ADCK1: variants seen among roughly 807,000 people sequenced by gnomAD.
ADCK1 encodes the protein aarF domain-containing protein kinase 1.
ADCK1 carries 41 observed loss-of-function variants against 52.3 expected under a neutral mutation model. The observed-to-expected ratio is 0.78, with a 90% CI of 0.61 to 1.02. The LOEUF (loss-of-function observed/expected upper bound fraction) is 1.02, where lower values mean the gene tolerates loss of function less well. Ranked by LOEUF, ADCK1 falls within the 50% of genes least tolerant of loss-of-function variation. The pLI, the probability that ADCK1 is intolerant of heterozygous loss-of-function variation, is 0.00. For missense variants in ADCK1, 658 were observed against 679.5 expected (o/e 0.97, Z 0.35); for synonymous variants, 250 against 274.6 (o/e 0.91, Z 0.89).
chr14:77,856,582 G>GC (rs397724094), intron 3 of ADCK1, among the ~76,000 whole-genome samples: 1 of 151,638 alleles, frequency 6.6e-6, no homozygotes, highest in Admixed American at 6.6e-5. Context: ...TTTAGATATG[G>GC]TAAAGGATTG....
intron 4 of ADCK1, among the ~76,000 whole-genome samples, chr14:77,876,938 G>A (rs1391393883): frequency 6.6e-6 from 1 of 152,226 alleles, no homozygotes; most frequent in African/African-American, 2.4e-5. Flanking sequence ...TTTGGGGCTG[G>A]GTGCAGTGGC....
intron 7 of ADCK1, among the ~76,000 whole-genome samples, chr14:77,916,270 A>G (rs1328414658): frequency 1.3e-5 from 2 of 151,920 alleles, no homozygotes; most frequent in Admixed American, 1.3e-4. Flanking sequence ...ACTTTAATGA[A>G]TGTCTCTGGC....
At chr14:77,836,569 A>C (rs560570106) in intron 3 of ADCK1, among the ~76,000 whole-genome samples, 20 of 152,160 alleles carry the variant, frequency 1.3e-4, no homozygotes, top group Non-Finnish European at 2.2e-4. Flanking sequence ...GGGTGGTTTA[A>C]GGCAATAGAA....
intron 9 of ADCK1, among the ~76,000 whole-genome samples, chr14:77,930,532 C>G (rs3783953): frequency 0.73 from 110,264 of 151,962 alleles, 41,007 homozygotes; most frequent in African/African-American, 0.88. Flanking sequence ...CCAGAGTCGT[C>G]GAGTCCTGTG....
At chr14:77,823,472 G>C (rs374140055) in intron 3 of ADCK1, among the ~76,000 whole-genome samples, 18 of 152,268 alleles carry the variant, frequency 1.2e-4, no homozygotes, top group East Asian at 9.6e-4. Flanking sequence ...CAAGAGTAGA[G>C]AGAACAGTAG....
chr14:77,879,886 T>C (rs1299404293), intron 4 of ADCK1, among the ~76,000 whole-genome samples: 1 of 127,490 alleles, frequency 7.8e-6, no homozygotes, highest in Admixed American at 9.0e-5. Flanking sequence ...CCCACTACTA[T>C]GGCAGTTATT....
chr14:77,856,674 C>T (rs1443265022), intron 3 of ADCK1, among the ~76,000 whole-genome samples: 4 of 152,168 alleles, frequency 2.6e-5, no homozygotes, highest in African/African-American at 9.7e-5. Flanking sequence ...TCACTGCCTC[C>T]CTCCCAAACC....
intron 3 of ADCK1, 134 bp from the exon 4 acceptor site, chr14:77,858,942 G>A (rs561054338): frequency 1.6e-5 from 12 of 759,102 alleles, no homozygotes; most frequent in East Asian, 1.3e-4. Flanking sequence ...GTGTGTGTGC[G>A]TGTGTGTGCA....
chr14:77,830,151 T>C (rs1191890321), intron 3 of ADCK1, among the ~76,000 whole-genome samples: 1 of 151,178 alleles, frequency 6.6e-6, no homozygotes, highest in Non-Finnish European at 1.5e-5. Flanking sequence ...TTTCTTTTTT[T>C]TTTTTAGACA....
chr14:77,860,595 T>G (rs2082523758), intron 4 of ADCK1, among the ~76,000 whole-genome samples: 1 of 152,116 alleles, frequency 6.6e-6, no homozygotes, highest in African/African-American at 2.4e-5. Flanking sequence ...GAGGAACATG[T>G]CCTCCAAAGG....
Position 77,813,281 on chromosome 14 carries a change from C to T in ADCK1, c.-11-5687C>T, listed in dbSNP as rs547706763. ...CCTCCCAAAGTACTGGGATTATAGG[C>T]GTGAGCCACTGTGCTGGCCTTTTAT... On this transcript the variant is annotated intron_variant, in intron 1 of 10. Transcript: ENST00000238561. Among the ~76,000 whole-genome samples the T allele has an allele frequency of 3.0e-4, 46 of 151,514 alleles. 1 individual carries two copies. In the South Asian group the frequency reaches 7.7e-3, roughly 25 times the overall value.
chr14:77,886,394 T>G (rs2083147302), intron 4 of ADCK1, among the ~76,000 whole-genome samples: 1 of 152,266 alleles, frequency 6.6e-6, no homozygotes, highest in East Asian at 1.9e-4. Flanking sequence ...AATGCTGGAT[T>G]GTCCATATGT....
Position 77,887,217 on chromosome 14 carries a change from G to T in ADCK1, c.550G>T (p.Ala184Ser). 6.2e-7 allele frequency: 1 copy of T among 1,601,264 alleles called. No individual in the cohort carries two copies. Among genetic ancestry groups the T allele is most frequent in the Non-Finnish European group, 8.5e-7 (1 of 1,173,532 alleles). ...AVKVQHPKVR[A>S]QSSKDILLME... ...GAAGGTCCAGCACCCAAAGGTGCGG[G>T]CTCAGAGCTCGAAGGACATTCTCCT... The change falls in exon 5 of 11, where the codon GCT (alanine) becomes TCT (serine). Residue 184 changes from alanine (A) to serine (S), a missense_variant. By Grantham distance (99) the Ala-to-Ser change is moderately conservative. Coordinates refer to ENST00000238561, the MANE Select transcript of ADCK1 (RefSeq NM_020421.4).
intron 4 of ADCK1, among the ~76,000 whole-genome samples, chr14:77,875,412 G>A (rs912507288): frequency 6.6e-5 from 10 of 152,164 alleles, no homozygotes; most frequent in South Asian, 6.2e-4. Context: ...TGGTCAGAAC[G>A]TCGGCAAGTG....
chr14:77,822,686 C>T (rs1009422225), intron 3 of ADCK1, among the ~76,000 whole-genome samples, 168 bp downstream of exon 3: 7 of 152,078 alleles, frequency 4.6e-5, no homozygotes, highest in Admixed American at 2.0e-4. Flanking sequence ...TGCCTAGCCA[C>T]GAAGCTTCCT....
chr14:77,826,089 T>C (rs1005071202), intron 3 of ADCK1, among the ~76,000 whole-genome samples: 4 of 152,098 alleles, frequency 2.6e-5, no homozygotes, highest in African/African-American at 9.7e-5. Flanking sequence ...TTTTGGGGAA[T>C]GCAGTAAGGA....
intron 3 of ADCK1, among the ~76,000 whole-genome samples, chr14:77,830,992 T>G (rs1420543788): frequency 6.6e-6 from 1 of 152,150 alleles, no homozygotes; most frequent in Non-Finnish European, 1.5e-5. Context: ...CCCTGCCAGG[T>G]GGTGATCAAA....
intron 4 of ADCK1, among the ~76,000 whole-genome samples, chr14:77,875,709 A>G (rs923820345): frequency 6.6e-6 from 1 of 152,116 alleles, no homozygotes; most frequent in African/African-American, 2.4e-5. Context: ...GGCAGAGGAA[A>G]TTGGGCTCCT....
rs749434899 is a variant in ADCK1, at chr14:77,907,831, C to T, written c.770C>T (p.Thr257Met). Residue 257 changes from threonine (T) to methionine (M), a missense_variant, in exon 7 of 11, where the codon ACG (threonine) becomes ATG (methionine). By Grantham distance (81) the Thr-to-Met change is moderately conservative. Transcript: ENST00000238561. ...CCCCGAATCCACTGGGACCTGTCCA[C>T]GGAGCGGGTCCTCCTGATGGAGTTT... ...KVPRIHWDLS[T>M]ERVLLMEFVD... 1.4e-5 allele frequency: 22 copies of T among 1,613,864 alleles called. No individual in the cohort carries two copies. Among genetic ancestry groups the T allele is most frequent in the South Asian group, 1.1e-4 (10 of 91,076 alleles).
Sources: gnomAD v4.1 joint callset for allele counts (sites outside exome capture counted in the v4.1 genomes callset) on GRCh38, gnomAD v4.1.1 for gene constraint, MANE v1.5 for transcripts, NCBI Gene and HGNC (gene_info 2026-07-23, HGNC 2026-07-21) for gene names.